NFATC3: variants seen among roughly 807,000 people sequenced by gnomAD.
NFATC3 encodes nuclear factor of activated T cells 3.
In NFATC3, 46 loss-of-function variants were observed where a neutral mutation model predicts 98.6. The observed-to-expected ratio is 0.47, with a 90% CI of 0.37 to 0.60. The LOEUF is 0.60. NFATC3 is among the 20% of genes least tolerant of loss of function. The pLI, the probability that NFATC3 is intolerant of heterozygous loss-of-function variation, is 0.00. For missense variants in NFATC3, 1,256 were observed against 1,295.5 expected (o/e 0.97, Z 0.47); for synonymous variants, 512 against 472.2 (o/e 1.08, Z -1.09).
chr16:68,100,653 T>C (rs1407275164), intron 1 of NFATC3, among the ~76,000 whole-genome samples: 1 of 151,552 alleles, frequency 6.6e-6, no homozygotes, highest in African/African-American at 2.4e-5. Flanking sequence ...TATGAGTTAC[T>C]CAGTTTCTCT....
At chr16:68,101,162 G>A (rs1002321511) in intron 1 of NFATC3, among the ~76,000 whole-genome samples, 5 of 151,444 alleles carry the variant, frequency 3.3e-5, no homozygotes, top group African/African-American at 1.2e-4. Flanking sequence ...TTTTTTTTGA[G>A]ACACAGTCTT....
intron 1 of NFATC3, among the ~76,000 whole-genome samples, chr16:68,087,604 T>C (rs1218045028): frequency 6.6e-6 from 1 of 152,168 alleles, no homozygotes; most frequent in Admixed American, 6.5e-5. Context: ...AAGTGAACAA[T>C]TGAGTGCATT....
At chr16:68,142,709 G>T (rs1273953351) in intron 3 of NFATC3, among the ~76,000 whole-genome samples, 1 of 151,906 alleles carries the variant, frequency 6.6e-6, no homozygotes, top group Non-Finnish European at 1.5e-5. Context: ...AGTGAGCTGA[G>T]ATCATGCCAT....
chr16:68,192,485 C>T (rs1411871104), intron 9 of NFATC3, among the ~76,000 whole-genome samples: 4 of 151,576 alleles, frequency 2.6e-5, no homozygotes, highest in Non-Finnish European at 5.9e-5. Context: ...GAATTCAAGG[C>T]CATTAGTTCC....
intron 3 of NFATC3, among the ~76,000 whole-genome samples, chr16:68,156,876 T>C (rs1253324744): frequency 6.6e-6 from 1 of 151,884 alleles, no homozygotes; most frequent in Non-Finnish European, 1.5e-5. Context: ...GAGGCAGAGG[T>C]TGCACTGAGC....
At chr16:68,167,095 G>C in intron 5 of NFATC3, 80 bp downstream of exon 5, 1 of 1,417,438 alleles carries the variant, frequency 7.1e-7, no homozygotes. Context: ...TAATGTATGC[G>C]TCTGAAGTGC....
At chr16:68,211,180 G>A (rs988491237) in intron 9 of NFATC3, among the ~76,000 whole-genome samples, 2 of 151,682 alleles carry the variant, frequency 1.3e-5, no homozygotes, top group Admixed American at 6.6e-5. Flanking sequence ...CAAAAGAATC[G>A]AAACTCTTTT....
At chr16:68,127,319 C>A (rs2036888863) in intron 3 of NFATC3, among the ~76,000 whole-genome samples, 1 of 152,118 alleles carries the variant, frequency 6.6e-6, no homozygotes, top group Non-Finnish European at 1.5e-5. Flanking sequence ...ATTTGATTAA[C>A]ATTCCAGATA....
At chr16:68,166,072 TAATA>T (rs1176508388) in intron 4 of NFATC3, among the ~76,000 whole-genome samples, 1 of 152,246 alleles carries the variant, frequency 6.6e-6, no homozygotes, top group Non-Finnish European at 1.5e-5. Flanking sequence ...TTGTTTTTAT[TAATA>T]AATACATCAC....
chr16:68,097,918 C>A (rs929990522), intron 1 of NFATC3, among the ~76,000 whole-genome samples: 21 of 152,134 alleles, frequency 1.4e-4, no homozygotes, highest in Non-Finnish European at 2.1e-4. Flanking sequence ...GCTGAACTCA[C>A]TAGAACATTT....
chr16:68,093,171 C>A (rs2034821438), intron 1 of NFATC3, among the ~76,000 whole-genome samples: 1 of 152,160 alleles, frequency 6.6e-6, no homozygotes, highest in African/African-American at 2.4e-5. Context: ...TCCTTCCATC[C>A]ATTTTCCTGA....
chr16:68,150,629 T>C (rs532259150), intron 3 of NFATC3, among the ~76,000 whole-genome samples: 1 of 152,012 alleles, frequency 6.6e-6, no homozygotes, highest in African/African-American at 2.4e-5. Flanking sequence ...TTTAAGAATA[T>C]CAGTTATAAT....
rs1249478515 is a variant in NFATC3, at chr16:68,190,878, C to T, written c.2209C>T (p.His737Tyr). The change falls in exon 9 of 10, where the codon CAT (histidine) becomes TAT (tyrosine). Residue 737 changes from histidine (H) to tyrosine (Y), a missense_variant. Physicochemically the swap from His to Tyr is moderately conservative, Grantham distance 83. Around this residue, in one of 3 missense-constraint regions of NFATC3, gnomAD observed 636 missense variants for 617.3 expected, o/e 1.03. Transcript: ENST00000346183. Reference sequence around the variant, plus strand: ...GCCTTCCTCTGATTCAGGGTGTTCACATGACAGTGTACTGTCAGGACAGAG... The same window carrying T: ...GCCTTCCTCTGATTCAGGGTGTTCATATGACAGTGTACTGTCAGGACAGAG... The part of the protein sequence containing the change: ...QRPSSDSGCS[H>Y]DSVLSGQRSL... 1.9e-6 allele frequency: 3 copies of T among 1,614,112 alleles called. No homozygotes were observed. Among genetic ancestry groups the T allele is most frequent in the Admixed American group, 1.7e-5 (1 of 60,004 alleles).
At chr16:68,169,845 G>A (rs1213132785) in intron 5 of NFATC3, among the ~76,000 whole-genome samples, 22 of 151,922 alleles carry the variant, frequency 1.4e-4, no homozygotes, top group Non-Finnish European at 5.9e-5. Context: ...AGAGGCTGAG[G>A]CAGGAGAACC....
chr16:68,200,845 T>C (rs2040882051), intron 9 of NFATC3: 1 of 152,222 alleles, frequency 6.6e-6, no homozygotes, highest in Non-Finnish European at 1.5e-5. Flanking sequence ...TTATGTTCGT[T>C]ATGGTTTTTA....
intron 9 of NFATC3, chr16:68,224,657 A>G (rs2041982412): frequency 6.8e-6 from 1 of 147,452 alleles, no homozygotes; most frequent in Admixed American, 7.0e-5. Flanking sequence ...GGCTCACTGC[A>G]ACCTCCACAT....
At chr16:68,097,238 C>G (rs1454905448) in intron 1 of NFATC3, among the ~76,000 whole-genome samples, 6 of 152,164 alleles carry the variant, frequency 3.9e-5, no homozygotes, top group African/African-American at 1.4e-4. Flanking sequence ...TACAAAATGT[C>G]TGTGGAAATA....
At chr16:68,204,801 A>G (rs1410855129) in intron 9 of NFATC3, among the ~76,000 whole-genome samples, 2 of 152,262 alleles carry the variant, frequency 1.3e-5, no homozygotes, top group East Asian at 1.9e-4. Context: ...GATTATTCAC[A>G]GGAACAAAAA....
intron 3 of NFATC3, among the ~76,000 whole-genome samples, chr16:68,135,214 T>G (rs998999020): frequency 6.6e-6 from 1 of 151,916 alleles, no homozygotes; most frequent in Non-Finnish European, 1.5e-5. Context: ...ATCCCAGCAA[T>G]ATGGGAGGCC....
Sources: allele counts gnomAD v4.1 joint callset (sites outside exome capture counted in the v4.1 genomes callset), GRCh38; gene constraint gnomAD v4.1.1; regional missense constraint gnomAD v4.1.1; transcripts MANE v1.5; gene names NCBI Gene and HGNC (gene_info 2026-07-23, HGNC 2026-07-21).